PARD3B: variants seen among roughly 807,000 people sequenced by gnomAD.
PARD3B encodes par-3 family cell polarity regulator beta.
A neutral mutation model predicts 130.2 loss-of-function variants in PARD3B; 103 were observed. The observed-to-expected ratio is 0.79, with a 90% confidence interval of 0.67 to 0.93. The LOEUF (loss-of-function observed/expected upper bound fraction) is 0.93. Among genes scored for constraint, PARD3B ranks in the 40% least tolerant of loss-of-function variants. PARD3B has a pLI of 0.00. For missense variants in PARD3B, 1,609 were observed against 1,499.2 expected, an observed-to-expected ratio of 1.07 and a Z score of -1.21; for synonymous variants, 583 against 553.2, an observed-to-expected ratio of 1.05 and a Z score of -0.76.
chr2:204,698,162 C>A (rs550419888), intron 2 of PARD3B, among the ~76,000 whole-genome samples: 1 of 152,170 alleles, frequency 6.6e-6, no homozygotes, highest in Non-Finnish European at 1.5e-5. Flanking sequence ...GTTTCCATTG[C>A]GTTTTTCTGT....
rs181681404 is a variant in PARD3B, at chr2:205,172,013, C to G, written c.1621-198C>G. 4.6e-5 allele frequency among the ~76,000 whole-genome samples: 7 copies of G among 152,312 alleles called. No individual in the cohort carries two copies. In the East Asian group the frequency reaches 1.4e-3, roughly 29 times the overall value. On this transcript the variant is annotated intron_variant, in intron 11 of 22. Transcript: ENST00000406610. ...AAGATTTCTAAAAAATACTTTCACA[C>G]AATTCATTATCACTGGTATTTGTGA...
intron 20 of PARD3B, among the ~76,000 whole-genome samples, chr2:205,496,723 A>G (rs2049939015): frequency 1.3e-5 from 2 of 152,166 alleles, no homozygotes; most frequent in South Asian, 4.1e-4. Context: ...AGGCATATGG[A>G]AGAATAGTTT....
chr2:205,551,152 G>A (rs556636819), intron 21 of PARD3B, among the ~76,000 whole-genome samples: 44 of 151,442 alleles, frequency 2.9e-4, no homozygotes, highest in Admixed American at 2.4e-3. Flanking sequence ...ACAAGAAAAA[G>A]TTCAGTTGGA....
intron 15 of PARD3B, among the ~76,000 whole-genome samples, chr2:205,199,320 G>T (rs1465364188): frequency 6.6e-6 from 1 of 152,042 alleles, no homozygotes; most frequent in African/African-American, 2.4e-5. Flanking sequence ...CTTATCTCAG[G>T]GAGGAAGAAA....
chr2:205,516,798 T>A (rs977890200), intron 21 of PARD3B, among the ~76,000 whole-genome samples: 1 of 152,270 alleles, frequency 6.6e-6, no homozygotes, highest in South Asian at 2.1e-4. Context: ...CTTCCAATAC[T>A]CTGTTGATCA....
Position 205,530,239 on chromosome 2 carries a change from G to C in PARD3B, c.3181-23085G>C, listed in dbSNP as rs766816623. Among the ~76,000 whole-genome samples the C allele has an allele frequency of 6.6e-6, 1 of 152,116 alleles. No individual in the cohort carries two copies. Among genetic ancestry groups the C allele is most frequent in the African/African-American group, 2.4e-5 (1 of 41,400 alleles). ...GTTTCTAGTGAAGTTTGGAGAAAAC[G>C]TATTATCCTAATATGCTTGAGACCT... On this transcript the variant is annotated intron_variant, in intron 21 of 22. Transcript: ENST00000406610. The surrounding 1 kb of genome is among the most constrained non-coding windows in gnomAD (Gnocchi z 4.7).
intron 2 of PARD3B, among the ~76,000 whole-genome samples, chr2:204,810,416 C>T (rs760833323): frequency 6.6e-6 from 1 of 152,002 alleles, no homozygotes; most frequent in African/African-American, 2.4e-5. Flanking sequence ...TGAGGTATGT[C>T]CCTACAATAC....
intron 4 of PARD3B, among the ~76,000 whole-genome samples, chr2:205,072,491 T>C (rs1237889162): frequency 6.6e-6 from 1 of 152,102 alleles, no homozygotes; most frequent in East Asian, 1.9e-4. Flanking sequence ...CCTTGGGTGA[T>C]CTACCCACCG....
intron 2 of PARD3B, among the ~76,000 whole-genome samples, chr2:204,953,109 ATAAT>A (rs1476229796): frequency 6.6e-6 from 1 of 150,550 alleles, no homozygotes; most frequent in Non-Finnish European, 1.5e-5. Context: ...GTCACTAGTA[ATAAT>A]TGAAGTTTAA....
intron 3 of PARD3B, among the ~76,000 whole-genome samples, chr2:204,997,760 G>A (rs909824689): frequency 6.6e-6 from 1 of 151,604 alleles, no homozygotes; most frequent in African/African-American, 2.4e-5. Flanking sequence ...GATAGAATGA[G>A]TGATAGCTGA....
At chr2:205,214,007 G>A (rs2037782817) in intron 15 of PARD3B, among the ~76,000 whole-genome samples, 1 of 152,036 alleles carries the variant, frequency 6.6e-6, no homozygotes, top group Non-Finnish European at 1.5e-5. Flanking sequence ...CAAATTGTTT[G>A]TGGCCCCTCC....
intron 22 of PARD3B, among the ~76,000 whole-genome samples, chr2:205,571,905 T>C (rs2053572428): frequency 6.6e-6 from 1 of 152,214 alleles, no homozygotes; most frequent in African/African-American, 2.4e-5. Flanking sequence ...ACAGGGAATC[T>C]GGCTGAAGCT....
chr2:205,120,526 C>G (rs1328640468), intron 7 of PARD3B, among the ~76,000 whole-genome samples: 1 of 152,156 alleles, frequency 6.6e-6, no homozygotes, highest in African/African-American at 2.4e-5. Context: ...GAACAGAGAC[C>G]TGAAATAAGA....
intron 18 of PARD3B, among the ~76,000 whole-genome samples, chr2:205,357,199 C>T (rs921610811): frequency 2.0e-5 from 3 of 152,118 alleles, no homozygotes; most frequent in Non-Finnish European, 4.4e-5. Flanking sequence ...GAGAGAAGGA[C>T]ATTTTTTCCT....
At chr2:204,766,684 T>G (rs2041163656) in intron 2 of PARD3B, among the ~76,000 whole-genome samples, 1 of 151,934 alleles carries the variant, frequency 6.6e-6, no homozygotes, top group African/African-American at 2.4e-5. Context: ...TCAGTGCTGT[T>G]ATAAATAAAA....
intron 2 of PARD3B, among the ~76,000 whole-genome samples, chr2:204,866,960 TCAGGAGGCTGAAG>T (rs1175632172): frequency 6.6e-6 from 1 of 151,824 alleles, no homozygotes; most frequent in African/African-American, 2.4e-5. Flanking sequence ...TCCCAACTAC[TCAGGAGGCTGAAG>T]CAGGAGAATC....
At position 205,349,800 on chromosome 2, in the gene PARD3B, C is replaced by CTTT. The variant is rs11417800; in HGVS notation, c.2630+48117_2630+48119dup. On this transcript the variant is annotated intron_variant, in intron 18 of 22. Transcript: ENST00000406610. ...AGGAAATGTATCTTTTTCTTTTTCT[C>CTTT]TTTTTTTTTTTTTTTTTTTTAAAAA... 4.9e-3 allele frequency among the ~76,000 whole-genome samples: 496 copies of CTTT among 102,054 alleles called. 3 individuals carry two copies. The highest frequency in any genetic ancestry group is 0.011 in the South Asian group (26 of 2,288). 67.0% of individuals were successfully genotyped at this position (102,054 alleles called of 152,430 possible).
chr2:205,477,269 T>G (rs561782255), intron 20 of PARD3B, among the ~76,000 whole-genome samples: 4 of 152,370 alleles, frequency 2.6e-5, no homozygotes, highest in Non-Finnish European at 5.9e-5. Flanking sequence ...TGAATGTGGC[T>G]TGTATATTTT....
intron 1 of PARD3B, among the ~76,000 whole-genome samples, chr2:204,671,273 C>T (rs1026134724): frequency 6.6e-6 from 1 of 152,100 alleles, no homozygotes; most frequent in Non-Finnish European, 1.5e-5. Flanking sequence ...CTTCTCTGTG[C>T]CTGATGTCTT....
Sources: allele counts gnomAD v4.1 joint callset (sites outside exome capture counted in the v4.1 genomes callset), GRCh38; gene constraint gnomAD v4.1.1; non-coding constraint Gnocchi (gnomAD v3.1); transcripts MANE v1.5; gene names NCBI Gene and HGNC (gene_info 2026-07-23, HGNC 2026-07-21).